SLC25A48: variants seen among roughly 807,000 people sequenced by gnomAD.
SLC25A48 encodes the protein solute carrier family 25 member 48.
SLC25A48 carries 29 observed loss-of-function variants against 32.2 expected under a neutral mutation model. The ratio of observed to expected loss-of-function variants is 0.90; its 90% CI spans 0.67 to 1.23. The LOEUF (loss-of-function observed/expected upper bound fraction) is 1.23. Among genes scored for constraint, SLC25A48 ranks in the 50% most tolerant of loss-of-function variants. The probability of loss-of-function intolerance (pLI) is 0.00; values close to 1 mark genes in which losing one functional copy is unlikely to be tolerated. For missense variants in SLC25A48, 399 were observed against 422.7 expected, an observed-to-expected ratio of 0.94 and a Z score of 0.49; for synonymous variants, 164 against 172.3, an observed-to-expected ratio of 0.95 and a Z score of 0.38.
chr5:135,827,951 T>A (rs983575719), intron 4 of SLC25A48, among the ~76,000 whole-genome samples: 4 of 152,214 alleles, frequency 2.6e-5, no homozygotes, highest in African/African-American at 9.6e-5. Flanking sequence ...GGCCACTCTC[T>A]CCTTGTGCAG....
At chr5:135,793,669 T>G (rs890850469) in intron 3 of SLC25A48, among the ~76,000 whole-genome samples, 1 of 151,974 alleles carries the variant, frequency 6.6e-6, no homozygotes, top group South Asian at 2.1e-4. Flanking sequence ...CCATCTTGTT[T>G]GTACATCCTG....
chr5:135,791,013 A>T (rs1213951469), intron 3 of SLC25A48, among the ~76,000 whole-genome samples: 1 of 151,338 alleles, frequency 6.6e-6, no homozygotes, highest in Non-Finnish European at 1.5e-5. Context: ...GTTACTTCTA[A>T]TGTCACAGTG....
At chr5:135,590,118 G>T (rs745822705) in intron 1 of SLC25A48, among the ~76,000 whole-genome samples, 3 of 152,170 alleles carry the variant, frequency 2.0e-5, no homozygotes, top group Admixed American at 6.5e-5. Flanking sequence ...ATAGCGATTT[G>T]GGAAGTTCTT....
intron 3 of SLC25A48, among the ~76,000 whole-genome samples, chr5:135,660,836 GTGC>G (rs1037773271): frequency 6.6e-6 from 1 of 152,188 alleles, no homozygotes; most frequent in African/African-American, 2.4e-5. Context: ...AAGTCCCCGG[GTGC>G]TGCTGCTGCT....
chr5:135,624,313 C>G (rs2126901343), intron 1 of SLC25A48, among the ~76,000 whole-genome samples: 1 of 152,244 alleles, frequency 6.6e-6, no homozygotes, highest in East Asian at 1.9e-4. Context: ...GTGGGACATG[C>G]AGGACCTAAT....
At chr5:135,870,164 G>A (rs1433205223) in intron 4 of SLC25A48, among the ~76,000 whole-genome samples, 1 of 152,200 alleles carries the variant, frequency 6.6e-6, no homozygotes, top group South Asian at 2.1e-4. Flanking sequence ...ACCAGCATGT[G>A]TAAAATCAGA....
intron 3 of SLC25A48, among the ~76,000 whole-genome samples, chr5:135,787,660 A>AT (rs1239371956): frequency 6.6e-6 from 1 of 151,612 alleles, no homozygotes; most frequent in East Asian, 1.9e-4. Context: ...GTAATATCCT[A>AT]GGGGGGATGT....
At chr5:135,849,391 G>A (rs571506457) in intron 2 of SLC25A48, among the ~76,000 whole-genome samples, 20 of 152,288 alleles carry the variant, frequency 1.3e-4, no homozygotes, top group Admixed American at 7.8e-4. Context: ...ATTATAGGCT[G>A]CACGTCTTAA....
At chr5:135,880,937 C>G (rs1347876481) in intron 7 of SLC25A48, among the ~76,000 whole-genome samples, 2 of 151,994 alleles carry the variant, frequency 1.3e-5, no homozygotes, top group Admixed American at 1.3e-4. Context: ...GCAGACCATC[C>G]CCCACCCCCA....
chr5:135,835,032 G>A, intron 1 of SLC25A48, 139 bp downstream of exon 1: 5 of 1,033,272 alleles, frequency 4.8e-6, no homozygotes, highest in Non-Finnish European at 7.4e-6. Flanking sequence ...GGGAGTGCCC[G>A]GCCCCGAGAT....
intron 4 of SLC25A48, among the ~76,000 whole-genome samples, chr5:135,817,701 A>C (rs1314241345): frequency 1.3e-5 from 2 of 152,228 alleles, no homozygotes; most frequent in Non-Finnish European, 2.9e-5. Flanking sequence ...ATTTCCTAGA[A>C]AGACTTTGTT....
chr5:135,739,818 G>A (rs1755460052), intron 3 of SLC25A48, among the ~76,000 whole-genome samples: 1 of 151,916 alleles, frequency 6.6e-6, no homozygotes. Flanking sequence ...AAGAAAAACA[G>A]CTGATCTAGC....
chr5:135,834,709 A>C lies in SLC25A48; in HGVS notation c.-139A>C. 1.1e-6 allele frequency: 1 copy of C among 884,320 alleles called. No homozygotes were observed. The highest frequency in any genetic ancestry group is 2.9e-5 in the East Asian group (1 of 34,730). The allele number at this position is 884,320 out of a possible 1,614,324, so 54.8% of individuals were successfully genotyped here. Reference sequence around the variant, plus strand: ...AGCCCGCGCAGCCGGTGACTGGGGGACTGGGTTTGGAGTAGGACCTGCGGC... The same window carrying C: ...AGCCCGCGCAGCCGGTGACTGGGGGCCTGGGTTTGGAGTAGGACCTGCGGC... On this transcript the variant is annotated 5_prime_UTR_variant, in exon 1 of 8. Coordinates refer to ENST00000681962, the MANE Select transcript of SLC25A48 (RefSeq NM_001349336.2).
chr5:135,816,272 A>G (rs1234010753), intron 4 of SLC25A48, among the ~76,000 whole-genome samples: 1 of 152,234 alleles, frequency 6.6e-6, no homozygotes. Flanking sequence ...ACCAAACCAT[A>G]TCAGATGTGG....
intron 3 of SLC25A48, among the ~76,000 whole-genome samples, chr5:135,703,526 C>G (rs1580798627): frequency 6.6e-6 from 1 of 152,198 alleles, no homozygotes. Flanking sequence ...TGGTAACATG[C>G]CTGGCATCCT....
upstream of SLC25A48, chr5:135,834,636 G>T: frequency 1.7e-6 from 1 of 573,126 alleles, no homozygotes; most frequent in Non-Finnish European, 3.1e-6. Context: ...AGGTCCACTG[G>T]GGGCGTGATG....
At chr5:135,717,901 G>A (rs550567523) in intron 3 of SLC25A48, among the ~76,000 whole-genome samples, 6 of 152,304 alleles carry the variant, frequency 3.9e-5, no homozygotes, top group South Asian at 2.1e-4. Context: ...TAAAAGGAAC[G>A]TCAGGTAAAC....
chr5:135,770,648 A>C (rs1051599984), intron 3 of SLC25A48, among the ~76,000 whole-genome samples: 1 of 151,714 alleles, frequency 6.6e-6, no homozygotes, highest in Non-Finnish European at 1.5e-5. Context: ...ATATCCCAGA[A>C]AGTGTACACC....
At chr5:135,680,557 T>C (rs1348888911) in intron 3 of SLC25A48, among the ~76,000 whole-genome samples, 2 of 152,242 alleles carry the variant, frequency 1.3e-5, no homozygotes, top group Non-Finnish European at 2.9e-5. Context: ...TCCACATGGC[T>C]GGGAAGACCT....
Sources: gnomAD v4.1 joint callset for allele counts (sites outside exome capture counted in the v4.1 genomes callset) on GRCh38, gnomAD v4.1.1 for gene constraint, MANE v1.5 for transcripts, NCBI Gene and HGNC (gene_info 2026-07-23, HGNC 2026-07-21) for gene names.